The following SLC12A2 variants were observed in gnomAD, a reference collection of about 807,000 sequenced individuals.
The protein encoded by SLC12A2 is Na-K-2Cl cotransporter 1.
Under a neutral mutation model 136.3 loss-of-function variants are expected in SLC12A2, and 67 were observed. The observed-to-expected ratio is 0.49, with a 90% CI of 0.40 to 0.60. The LOEUF (loss-of-function observed/expected upper bound fraction) is 0.60. SLC12A2 is among the 20% of genes least tolerant of loss of function. The pLI, the probability that SLC12A2 is intolerant of heterozygous loss-of-function variation, is 0.00. For synonymous variants in SLC12A2, 619 were observed against 562.9 expected (o/e 1.10, Z -1.41); for missense variants, 1,322 against 1,534.7 (o/e 0.86, Z 2.32).
In SLC12A2 at chr5:128,141,862, G is replaced by T. The variant is rs770560514; in HGVS notation, c.1654G>T (p.Val552Phe). ...SCVVRDATGN[V>F]NDTIVTELTN... ...TGTTGTTCGAGATGCCACTGGAAACGTTAATGACACTATCGTAACAGAGCT... is the reference window on the plus strand; with the variant it reads ...TGTTGTTCGAGATGCCACTGGAAACTTTAATGACACTATCGTAACAGAGCT... The change falls in exon 10 of 27, where the codon GTT (valine) becomes TTT (phenylalanine). Residue 552 changes from valine to phenylalanine, a missense_variant. By Grantham distance (50) the Val-to-Phe change is conservative (BLOSUM62 -1). Transcript: ENST00000262461. 6 of 1,613,678 alleles carry T rather than the reference G, an allele frequency of 3.7e-6. No homozygotes were observed. The East Asian group carries it at 6.7e-5, about 18-fold the overall frequency.
chr5:128,146,505 C>G (rs1319738273), intron 10 of SLC12A2, among the ~76,000 whole-genome samples: 1 of 149,682 alleles, frequency 6.7e-6, no homozygotes, highest in East Asian at 1.9e-4. Context: ...CACCTGAATT[C>G]ATGATCTTAG....
At chr5:128,103,380 G>A (rs1318624543) in intron 1 of SLC12A2, among the ~76,000 whole-genome samples, 1 of 152,146 alleles carries the variant, frequency 6.6e-6, no homozygotes, top group Admixed American at 6.5e-5. Flanking sequence ...GCTGGGATTT[G>A]AGCCTATCTC....
chr5:128,093,093 A>T (rs1277658870), intron 1 of SLC12A2, among the ~76,000 whole-genome samples: 1 of 152,122 alleles, frequency 6.6e-6, no homozygotes, highest in African/African-American at 2.4e-5. Flanking sequence ...TTAAAGTCAC[A>T]AGTGATCTCC....
At chr5:128,114,186 G>T in intron 2 of SLC12A2, 26 bp from the exon 3 acceptor site, 1 of 1,532,246 alleles carries the variant, frequency 6.5e-7, no homozygotes, top group East Asian at 2.3e-5. Context: ...CTTCCTCTGT[G>T]TCTTGGCCTC....
chr5:128,105,149 T>A (rs1760886452), intron 1 of SLC12A2, among the ~76,000 whole-genome samples: 1 of 152,224 alleles, frequency 6.6e-6, no homozygotes, highest in African/African-American at 2.4e-5. Flanking sequence ...GTTCTTTTTA[T>A]CTTTTGGTGA....
chr5:128,083,919 G>T lies in SLC12A2; in HGVS notation c.-36G>T, dbSNP rs1759900846. On this transcript the variant is annotated 5_prime_UTR_variant, in exon 1 of 27. Transcript: ENST00000262461. Reference sequence around the variant, plus strand: ...GGAGGGCGTGCTGCCGGAGACGTCCGCCGGGCTCTGCAGTTCCGCCGGGGG... The same window carrying T: ...GGAGGGCGTGCTGCCGGAGACGTCCTCCGGGCTCTGCAGTTCCGCCGGGGG... The T allele has an allele frequency of 4.1e-6, 5 of 1,218,426 alleles. No individual in the cohort carries two copies. The highest frequency in any genetic ancestry group is 5.1e-6 in the Non-Finnish European group (5 of 978,934). 75.5% of individuals were successfully genotyped at this position (1,218,426 alleles called of 1,614,324 possible).
chr5:128,164,014 A>G (rs1429694621), intron 17 of SLC12A2, among the ~76,000 whole-genome samples: 3 of 152,226 alleles, frequency 2.0e-5, no homozygotes, highest in Non-Finnish European at 4.4e-5. Flanking sequence ...AATTTATAGG[A>G]ACATTCTGAT....
At chr5:128,186,410 A>G (rs2126763350) in intron 26 of SLC12A2, 86 bp from the exon 27 acceptor site, 2 of 1,297,192 alleles carry the variant, frequency 1.5e-6, no homozygotes, top group Non-Finnish European at 2.1e-6. Flanking sequence ...TGTTATTGTA[A>G]TCTACTTTAT....
intron 1 of SLC12A2, among the ~76,000 whole-genome samples, chr5:128,089,482 C>T (rs928401177): frequency 6.6e-6 from 1 of 152,196 alleles, no homozygotes; most frequent in African/African-American, 2.4e-5. Context: ...GCAGCAGGTT[C>T]TTCTCTCTTT....
At chr5:128,151,958 C>T (rs536672332) in intron 14 of SLC12A2, among the ~76,000 whole-genome samples, 26 of 152,062 alleles carry the variant, frequency 1.7e-4, no homozygotes, top group Non-Finnish European at 1.6e-4. Flanking sequence ...AACAGCTAAA[C>T]GTATCTCCAG....
intron 23 of SLC12A2, 54 bp downstream of exon 23, chr5:128,181,048 G>A: frequency 9.8e-7 from 1 of 1,019,232 alleles, no homozygotes; most frequent in Non-Finnish European, 1.5e-6. Context: ...CATTGCTACA[G>A]TATAAATTTG....
intron 7 of SLC12A2, among the ~76,000 whole-genome samples, chr5:128,138,351 G>A (rs545655220): frequency 2.0e-5 from 3 of 152,128 alleles, no homozygotes; most frequent in Admixed American, 1.3e-4. Context: ...AGAGGCTCTT[G>A]AAACATAATT....
intron 15 of SLC12A2, among the ~76,000 whole-genome samples, chr5:128,155,773 A>G (rs1762853361): frequency 1.3e-5 from 2 of 152,126 alleles, no homozygotes; most frequent in Admixed American, 1.3e-4. Context: ...AATGTAGATT[A>G]ATGTGGCTTT....
At chr5:128,172,764 C>T (rs912125744) in intron 19 of SLC12A2, among the ~76,000 whole-genome samples, 1 of 151,974 alleles carries the variant, frequency 6.6e-6, no homozygotes, top group Non-Finnish European at 1.5e-5. Flanking sequence ...AGTTTGAGAC[C>T]AGTCTGACCA....
chr5:128,157,868 A>G (rs1037813172), intron 15 of SLC12A2, 185 bp from the exon 16 acceptor site: 8 of 520,298 alleles, frequency 1.5e-5, no homozygotes, highest in Non-Finnish European at 2.7e-5. Context: ...TGTTTGTTCC[A>G]AGATTTTGTT....
chr5:128,178,738 G>A (rs1763609942), intron 22 of SLC12A2, 49 bp downstream of exon 22: 1 of 1,423,754 alleles, frequency 7.0e-7, no homozygotes, highest in East Asian at 2.5e-5. Context: ...CTGACATTGT[G>A]AGAATAGTAA....
chr5:128,133,656 C>A (rs958158328), intron 5 of SLC12A2, among the ~76,000 whole-genome samples: 1 of 151,810 alleles, frequency 6.6e-6, no homozygotes. Context: ...TTAATTTTAT[C>A]CTAGATGGGA....
intron 1 of SLC12A2, among the ~76,000 whole-genome samples, chr5:128,089,865 T>G (rs1561649962): frequency 6.6e-6 from 1 of 152,210 alleles, no homozygotes; most frequent in Non-Finnish European, 1.5e-5. Context: ...TTTCACACAC[T>G]ATTAATCATT....
At chr5:128,153,070 G>A (rs532382601) in intron 15 of SLC12A2, among the ~76,000 whole-genome samples, 29 of 152,222 alleles carry the variant, frequency 1.9e-4, no homozygotes, top group Admixed American at 3.9e-4. Context: ...TTAAAGTTAC[G>A]TAACTGTGTA....
Sources: gnomAD v4.1 joint callset for allele counts (sites outside exome capture counted in the v4.1 genomes callset) on GRCh38, gnomAD v4.1.1 for gene constraint, MANE v1.5 for transcripts, NCBI Gene and HGNC (gene_info 2026-07-23, HGNC 2026-07-21) for gene names.